Variants in TBC1D14 observed in about 807,000 individuals in gnomAD.
TBC1D14 encodes the protein TBC1 domain family member 14.
Under a neutral mutation model 79.0 loss-of-function variants are expected in TBC1D14, and 26 were observed. The observed-to-expected ratio is 0.33, with a 90% CI of 0.24 to 0.46. TBC1D14 has a LOEUF of 0.46. Ranked by LOEUF, TBC1D14 falls within the 20% of genes least tolerant of loss-of-function variation. TBC1D14 has a pLI of 1.00. For missense variants in TBC1D14, 769 were observed against 887.6 expected, an observed-to-expected ratio of 0.87 and a Z score of 1.70; for synonymous variants, 394 against 349.9, an observed-to-expected ratio of 1.13 and a Z score of -1.40.
At chr4:7,027,333 CCA>C (rs141031590) in intron 13 of TBC1D14, among the ~76,000 whole-genome samples, 23 of 146,580 alleles carry the variant, frequency 1.6e-4, no homozygotes, top group Admixed American at 1.3e-3. Flanking sequence ...CACAATCACC[CCA>C]CACACACAAT....
intron 3 of TBC1D14, among the ~76,000 whole-genome samples, chr4:6,988,922 G>A (rs1201003025): frequency 1.4e-5 from 1 of 72,226 alleles, no homozygotes; most frequent in Non-Finnish European, 2.5e-5. Flanking sequence ...ACAGGGTCTT[G>A]TCCTGTTGCC....
intron 2 of TBC1D14, among the ~76,000 whole-genome samples, chr4:6,949,650 T>A (rs1302378320): frequency 6.9e-6 from 1 of 145,404 alleles, no homozygotes; most frequent in Non-Finnish European, 1.5e-5. Flanking sequence ...GCCACTGCAC[T>A]CCGACCTGGG....
At chr4:7,001,370 C>G (rs904117546) in intron 7 of TBC1D14, 119 bp downstream of exon 7, 1 of 843,440 alleles carries the variant, frequency 1.2e-6, no homozygotes, top group Non-Finnish European at 1.9e-6. Context: ...TTTGAGAGAC[C>G]AGGAGACTGT....
chr4:6,929,211 C>G (rs1286534012), intron 2 of TBC1D14, among the ~76,000 whole-genome samples: 2 of 152,098 alleles, frequency 1.3e-5, no homozygotes, highest in African/African-American at 4.8e-5. Context: ...TGCTCAGTCT[C>G]TCTGGGGCTT....
chr4:6,989,693 A>G (rs1718288435), intron 3 of TBC1D14, among the ~76,000 whole-genome samples: 1 of 152,056 alleles, frequency 6.6e-6, no homozygotes, highest in Non-Finnish European at 1.5e-5. Flanking sequence ...CCCTTCACAA[A>G]TTAGTTTCCT....
intron 3 of TBC1D14, 66 bp downstream of exon 3, chr4:6,967,490 G>A (rs1715809142): frequency 1.9e-6 from 3 of 1,558,232 alleles, no homozygotes; most frequent in South Asian, 2.3e-5. Context: ...CATGAACCTT[G>A]CAAAAATGAC....
chr4:6,943,939 C>T (rs1219826092), intron 2 of TBC1D14, among the ~76,000 whole-genome samples: 2 of 152,210 alleles, frequency 1.3e-5, no homozygotes, highest in Non-Finnish European at 2.9e-5. Flanking sequence ...CCCAACAATT[C>T]GGTCTCCCAT....
At chr4:6,933,569 G>A (rs1712003396) in intron 2 of TBC1D14, among the ~76,000 whole-genome samples, 1 of 151,882 alleles carries the variant, frequency 6.6e-6, no homozygotes, top group Non-Finnish European at 1.5e-5. Flanking sequence ...GCTTCCCCAA[G>A]TGTTGGGATT....
intron 2 of TBC1D14, among the ~76,000 whole-genome samples, chr4:6,926,786 G>A (rs1173123365): frequency 1.3e-5 from 2 of 152,184 alleles, no homozygotes; most frequent in Non-Finnish European, 2.9e-5. Flanking sequence ...TCAGCCCAGG[G>A]CCTGGCCCAC....
intron 2 of TBC1D14, among the ~76,000 whole-genome samples, chr4:6,959,230 G>C (rs1714958331): frequency 6.6e-6 from 1 of 152,178 alleles, no homozygotes; most frequent in Non-Finnish European, 1.5e-5. Context: ...TATAGTTTGA[G>C]CCTTGGAGAC....
At chr4:6,928,593 G>A (rs1287925484) in intron 2 of TBC1D14, among the ~76,000 whole-genome samples, 1 of 152,208 alleles carries the variant, frequency 6.6e-6, no homozygotes, top group African/African-American at 2.4e-5. Flanking sequence ...AGCACTTTGG[G>A]AGGCTGAGGT....
chr4:6,958,999 T>A (rs896706604), intron 2 of TBC1D14, among the ~76,000 whole-genome samples: 1 of 152,094 alleles, frequency 6.6e-6, no homozygotes, highest in Non-Finnish European at 1.5e-5. Context: ...TTCTCCTGCC[T>A]CAGCCTCCCA....
At chr4:6,999,330 C>T (rs1204866891) in intron 6 of TBC1D14, 128 bp downstream of exon 6, 13 of 812,776 alleles carry the variant, frequency 1.6e-5, no homozygotes, top group Non-Finnish European at 2.5e-5. Context: ...CATCATCTTC[C>T]TTCCCTCTAC....
At chr4:7,007,557 C>T (rs1720328380) in intron 9 of TBC1D14, 2 of 1,289,232 alleles carry the variant, frequency 1.6e-6, no homozygotes, top group Non-Finnish European at 2.0e-6. Flanking sequence ...TGTGGGTCTT[C>T]AGAAATCTTT....
intron 12 of TBC1D14, among the ~76,000 whole-genome samples, chr4:7,023,726 CT>C (rs951590487): frequency 6.6e-6 from 1 of 152,172 alleles, no homozygotes; most frequent in African/African-American, 2.4e-5. Flanking sequence ...GTCCGTTTAG[CT>C]GTTGTCCTGA....
intron 3 of TBC1D14, among the ~76,000 whole-genome samples, chr4:6,977,053 T>TC (rs1243463955): frequency 4.0e-5 from 2 of 49,994 alleles, no homozygotes; most frequent in Admixed American, 2.6e-4. Context: ...CTCCCTCCTC[T>TC]CCCTCTCCCT....
In TBC1D14 at chr4:7,014,477, A is replaced by G. The variant is rs1721090459; in HGVS notation, c.1677A>G (p.Val559=). The change falls in exon 12 of 14, where the codon GTA becomes GTG. Residue 559 remains valine, a synonymous_variant. Coordinates refer to ENST00000409757, the MANE Select transcript of TBC1D14 (RefSeq NM_020773.3). ...LMLTYFAAFE[V]FFEENLPKLF... The stretch of plus-strand genomic sequence containing the variant: ...TGACTTATTTTGCTGCATTTGAAGT[A>G]TTCTTTGAAGAAAATTTGCCGAAAT... The G allele has an allele frequency of 3.1e-6, 5 of 1,613,790 alleles. No homozygotes were observed. The African/African-American group carries it at 4.0e-5, about 13-fold the overall frequency.
At chr4:6,973,010 C>A (rs967572491) in intron 3 of TBC1D14, among the ~76,000 whole-genome samples, 1 of 152,066 alleles carries the variant, frequency 6.6e-6, no homozygotes, top group Admixed American at 6.5e-5. Flanking sequence ...TGAGGTTGAG[C>A]GGAAAGTTAA....
At chr4:6,991,271 T>C (rs1718458122) in intron 3 of TBC1D14, among the ~76,000 whole-genome samples, 1 of 152,276 alleles carries the variant, frequency 6.6e-6, no homozygotes, top group Admixed American at 6.5e-5. Context: ...CTACTGAGAC[T>C]GAATCTGAAT....
Sources: gnomAD v4.1 joint callset for allele counts (sites outside exome capture counted in the v4.1 genomes callset) on GRCh38, gnomAD v4.1.1 for gene constraint, MANE v1.5 for transcripts, NCBI Gene and HGNC (gene_info 2026-07-23, HGNC 2026-07-21) for gene names.